KIF26B: variants seen among roughly 807,000 people sequenced by gnomAD.
KIF26B encodes kinesin family member 26B, also known as kinesin-like protein KIF26B.
KIF26B carries 63 observed loss-of-function variants against 151.2 expected under a neutral mutation model. That is an observed-to-expected ratio of 0.42 (90% CI 0.34 to 0.51). The LOEUF is 0.51. Ranked by LOEUF, KIF26B falls within the 20% of genes least tolerant of loss-of-function variation. KIF26B has a pLI of 0.07. For synonymous variants in KIF26B, 1,357 were observed against 1,262.1 expected (o/e 1.08, Z -1.59); for missense variants, 2,813 against 2,913.6 (o/e 0.97, Z 0.79).
chr1:245,469,174 A>G (rs1346542636), intron 4 of KIF26B, among the ~76,000 whole-genome samples: 2 of 152,312 alleles, frequency 1.3e-5, no homozygotes, highest in Admixed American at 1.3e-4. Context: ...CTCACGTACA[A>G]ACATTACCTG....
At chr1:245,252,346 T>C (rs1670460225) in intron 2 of KIF26B, among the ~76,000 whole-genome samples, 1 of 152,018 alleles carries the variant, frequency 6.6e-6, no homozygotes, top group African/African-American at 2.4e-5. Flanking sequence ...AGCTCTTCAT[T>C]CATGTATGTT....
chr1:245,275,469 G>A (rs1371374702), intron 2 of KIF26B, among the ~76,000 whole-genome samples: 4 of 152,096 alleles, frequency 2.6e-5, no homozygotes, highest in Non-Finnish European at 4.4e-5. Context: ...TAGGTCTTAC[G>A]TTTAAGTCTT....
chr1:245,387,168 G>GTTTTT (rs11453729), intron 3 of KIF26B, among the ~76,000 whole-genome samples: 1 of 140,098 alleles, frequency 7.1e-6, no homozygotes, highest in African/African-American at 2.8e-5. Context: ...TTTGTTTTTT[G>GTTTTT]TTTTTTGTTT....
chr1:245,161,268 A>T (rs192315540), intron 2 of KIF26B, among the ~76,000 whole-genome samples: 1 of 152,332 alleles, frequency 6.6e-6, no homozygotes, highest in Admixed American at 6.5e-5. Context: ...TTTAAGGCTT[A>T]GCAAGCTGTG....
chr1:245,689,417 A>G (rs1168918609), intron 12 of KIF26B, among the ~76,000 whole-genome samples: 1 of 152,162 alleles, frequency 6.6e-6, no homozygotes, highest in East Asian at 1.9e-4. Context: ...TGAAAGTGGA[A>G]TGGCGAGGCC....
chr1:245,205,462 CAATAAT>C (rs149425079), intron 2 of KIF26B, among the ~76,000 whole-genome samples: 1 of 151,782 alleles, frequency 6.6e-6, no homozygotes, highest in South Asian at 2.1e-4. Flanking sequence ...TTGAAGTGTA[CAATAAT>C]AATAATAATA....
chr1:245,586,157 C>CTGTGTG (rs1558225690), intron 5 of KIF26B, among the ~76,000 whole-genome samples: 4 of 112,166 alleles, frequency 3.6e-5, no homozygotes, highest in African/African-American at 1.6e-4. Context: ...CCACCATGAC[C>CTGTGTG]AGTGTGTGTG....
rs375566316 is a variant in KIF26B at position 245,688,508 on chromosome 1, C to A, written c.5525C>A (p.Ala1842Glu). ...GGGGCCCTGGCCGAGGACGAGCCCG[C>A]GGCCGCGCACCTGCTCCCGTCGCCC... is the stretch of plus-strand genomic sequence containing the variant. ...RGGALAEDEP[A>E]AAHLLPSPYS... Residue 1842 changes from alanine to glutamate, a missense_variant, in exon 12 of 15, where the codon GCG becomes GAG. Coordinates refer to ENST00000407071, the MANE Select transcript of KIF26B (RefSeq NM_018012.4). The A allele has an allele frequency of 1.5e-4, 219 of 1,493,098 alleles. 2 individuals are homozygous for A. The East Asian group carries it at 5.7e-3, about 39-fold the overall frequency. 92.5% of individuals were successfully genotyped at this position (1,493,098 alleles called of 1,614,324 possible). A position where few individuals can be genotyped will look rare whatever the true frequency, so the allele number is the denominator to read the frequency against.
At chr1:245,191,544 GT>G (rs1214231537) in intron 2 of KIF26B, among the ~76,000 whole-genome samples, 3 of 152,006 alleles carry the variant, frequency 2.0e-5, no homozygotes, top group Non-Finnish European at 4.4e-5. Flanking sequence ...GGATAAAGAA[GT>G]TTCTAAGCTT....
At chr1:245,649,815 G>C (rs1203020104) in intron 10 of KIF26B, among the ~76,000 whole-genome samples, 1 of 152,096 alleles carries the variant, frequency 6.6e-6, no homozygotes, top group Non-Finnish European at 1.5e-5. Context: ...GCTGTAGCCT[G>C]TCTTCATTCC....
intron 3 of KIF26B, among the ~76,000 whole-genome samples, chr1:245,413,205 C>T (rs920830572): frequency 5.3e-5 from 8 of 152,150 alleles, no homozygotes; most frequent in African/African-American, 1.4e-4. Context: ...ATACACGTAA[C>T]GAAGATAATG....
chr1:245,418,168 A>G (rs1674466564), intron 3 of KIF26B, among the ~76,000 whole-genome samples: 2 of 152,166 alleles, frequency 1.3e-5, no homozygotes, highest in South Asian at 4.1e-4. Flanking sequence ...CGCGGGGACA[A>G]TAGCAGCCAG....
intron 4 of KIF26B, among the ~76,000 whole-genome samples, chr1:245,439,868 G>A (rs978457117): frequency 2.6e-5 from 4 of 152,280 alleles, no homozygotes; most frequent in Admixed American, 2.6e-4. Flanking sequence ...GAAACAAAGT[G>A]AAAGGTACCA....
intron 3 of KIF26B, among the ~76,000 whole-genome samples, chr1:245,369,940 CCTT>C (rs1673072379): frequency 6.6e-6 from 1 of 152,172 alleles, no homozygotes; most frequent in African/African-American, 2.4e-5. Flanking sequence ...TTGGAAGTAA[CCTT>C]CTAGGGCAGG....
In KIF26B at chr1:245,601,172, C is replaced by T. The variant is rs112164886; in HGVS notation, c.1351-1405C>T. Among the ~76,000 whole-genome samples the T allele has an allele frequency of 1.3e-5, 2 of 152,200 alleles. No homozygotes were observed. The highest frequency in any genetic ancestry group is 2.9e-5 in the Non-Finnish European group (2 of 68,028). On this transcript the variant is annotated intron_variant, in intron 5 of 14. Coordinates refer to ENST00000407071, the MANE Select transcript of KIF26B (RefSeq NM_018012.4). This position sits in a 1 kb window ranked among gnomAD's most constrained non-coding sequence, Gnocchi z 4.4. The stretch of plus-strand genomic sequence containing the variant: ...TCAGAGGTAGAGTGCGTCCCACACT[C>T]GGGCTCCTTCTACTGGGACACTGGC...
intron 5 of KIF26B, among the ~76,000 whole-genome samples, chr1:245,549,043 C>T (rs1048284045): frequency 3.9e-5 from 6 of 152,128 alleles, no homozygotes; most frequent in African/African-American, 1.4e-4. Flanking sequence ...CGCCCTGCCC[C>T]ATTTTGCAAC....
At chr1:245,456,087 C>G (rs965351585) in intron 4 of KIF26B, among the ~76,000 whole-genome samples, 4 of 152,070 alleles carry the variant, frequency 2.6e-5, no homozygotes, top group East Asian at 1.9e-4. Context: ...ACCTTCTCAT[C>G]TTTTTTCATA....
chr1:245,668,043 A>G (rs937101761), intron 10 of KIF26B, among the ~76,000 whole-genome samples: 2 of 152,216 alleles, frequency 1.3e-5, no homozygotes, highest in East Asian at 1.9e-4. Flanking sequence ...TTACAGGCAC[A>G]CGCCACCACG....
At chr1:245,428,184 G>A (rs1773783) in intron 4 of KIF26B, among the ~76,000 whole-genome samples, 33,655 of 151,962 alleles carry the variant, frequency 0.22, 3,875 homozygotes, top group Non-Finnish European at 0.24. Context: ...TTCCTGACAG[G>A]TCGTAGCTTT....
Sources: allele counts gnomAD v4.1 joint callset (sites outside exome capture counted in the v4.1 genomes callset), GRCh38; gene constraint gnomAD v4.1.1; non-coding constraint Gnocchi (gnomAD v3.1); transcripts MANE v1.5; gene names NCBI Gene and HGNC (gene_info 2026-07-23, HGNC 2026-07-21).